Variants in PINLYP observed in about 807,000 individuals in gnomAD.
The protein encoded by PINLYP is phospholipase A2 inhibitor and LY6/PLAUR domain containing.
Under a neutral mutation model 15.8 loss-of-function variants are expected in PINLYP, and 12 were observed. That is an observed-to-expected ratio of 0.76 (90% CI 0.49 to 1.23). PINLYP has a LOEUF of 1.23. Among genes scored for constraint, PINLYP ranks in the 50% most tolerant of loss-of-function variants. The probability of loss-of-function intolerance (pLI) is 0.00; values close to 1 mark genes in which losing one functional copy is unlikely to be tolerated. For missense variants in PINLYP, 278 were observed against 264.2 expected, an observed-to-expected ratio of 1.05 and a Z score of -0.36; for synonymous variants, 93 against 97.7, an observed-to-expected ratio of 0.95 and a Z score of 0.28.
exon 1 of PINLYP, chr19:43,576,126 C>G (rs932084077): frequency 6.6e-6 from 1 of 152,106 alleles, no homozygotes; most frequent in African/African-American, 2.4e-5. Context: ...GCCATGTTGC[C>G]CAGACTGGTC....
chr19:43,581,039 C>T, intron 3 of PINLYP, 173 bp from the exon 4 acceptor site: 1 of 798,702 alleles, frequency 1.3e-6, no homozygotes, highest in Non-Finnish European at 1.9e-6. Flanking sequence ...CCATTGCACT[C>T]CAGCCTGGGC....
chr19:43,580,604 AG>A (rs1972918631), intron 3 of PINLYP: 20 of 656,992 alleles, frequency 3.0e-5, no homozygotes, highest in Admixed American at 2.1e-4. Flanking sequence ...CCGGAAGGAC[AG>A]GGAGAGAGGG....
At chr19:43,580,005 G>A (rs182147441) in intron 3 of PINLYP, among the ~76,000 whole-genome samples, 3 of 152,190 alleles carry the variant, frequency 2.0e-5, no homozygotes, top group East Asian at 3.9e-4. Flanking sequence ...AGAGACCAGT[G>A]GGGGACAGAG....
chr19:43,578,472 G>A (rs1600066069), intron 2 of PINLYP, 118 bp from the exon 3 acceptor site: 1 of 688,052 alleles, frequency 1.5e-6, no homozygotes, highest in South Asian at 1.8e-5. Context: ...TCCCGCCCAT[G>A]AAAAACCAGG....
At chr19:43,579,723 A>G (rs1972907380) in intron 3 of PINLYP, among the ~76,000 whole-genome samples, 2 of 147,990 alleles carry the variant, frequency 1.4e-5, no homozygotes, top group Non-Finnish European at 3.0e-5. Context: ...ACAAAAAGAG[A>G]TCCATCTCTA....
At position 43,576,992 on chromosome 19, in the gene PINLYP, C is replaced by G. The variant is rs1042921400; in HGVS notation, c.-78+73C>G. The stretch of plus-strand genomic sequence containing the variant: ...ATGGAAGCCCAGACTCCTGGGGTCT[C>G]CATGGAGGTGGGGGGCTGGGCACAA... On this transcript the variant is annotated intron_variant, in intron 1 of 5. Transcript: ENST00000599207. 75 of 948,202 alleles carry G rather than the reference C, an allele frequency of 7.9e-5. No homozygotes were observed. The African/African-American group carries it at 1.1e-3, about 15-fold the overall frequency. The allele number at this position is 948,202 out of a possible 1,614,324, so 58.7% of individuals were successfully genotyped here. A position where few individuals can be genotyped will look rare whatever the true frequency, so the allele number is the denominator to read the frequency against.
At position 43,581,827 on chromosome 19, in the gene PINLYP, G is replaced by C. The variant is rs758739629; in HGVS notation, c.482-41G>C. 5 of 1,535,890 alleles carry C rather than the reference G, an allele frequency of 3.3e-6. No homozygotes were observed. The African/African-American group carries it at 5.5e-5, about 17-fold the overall frequency. ...GTGTTCTGGGATTATGAGGAAGAAG[G>C]GGCTGAGGTCCCTGATTCCAGTCTG... is the stretch of plus-strand genomic sequence containing the variant. On this transcript the variant is annotated intron_variant, in intron 5 of 5. Transcript: ENST00000599207.
chr19:43,579,483 G>A (rs183647159), intron 3 of PINLYP, among the ~76,000 whole-genome samples: 754 of 151,598 alleles, frequency 5.0e-3, no homozygotes, highest in African/African-American at 0.017. Context: ...CTGACCTCAA[G>A]TGATTCTCCC....
exon 3 of PINLYP, chr19:43,578,636 C>T (rs1404889361): frequency 6.5e-7 from 1 of 1,536,016 alleles, no homozygotes. Flanking sequence ...GGAGCAGGTG[C>T]CATGGCCAAA....
At chr19:43,577,748 C>CA (rs547799444) in intron 2 of PINLYP, among the ~76,000 whole-genome samples, 3 of 147,256 alleles carry the variant, frequency 2.0e-5, no homozygotes, top group Admixed American at 1.4e-4. Context: ...ACTAAAAATA[C>CA]AAAAAAAGTT....
rs1029173350 is a variant in PINLYP, at chr19:43,581,319, T to G, written c.295T>G (p.Ser99Ala). 4.6e-6 allele frequency: 7 copies of G among 1,536,794 alleles called. No homozygotes were observed. The African/African-American group carries it at 9.6e-5, about 21-fold the overall frequency. Reference sequence around the variant, plus strand: ...CCCCAAGGACCACATGGTAACCAGCTCCTTCTGCTGCCAGAGCGACGGCTG... The same window carrying G: ...CCCCAAGGACCACATGGTAACCAGCGCCTTCTGCTGCCAGAGCGACGGCTG... Residue 99 changes from serine to alanine, a missense_variant, in exon 4 of 6, where the codon TCC becomes GCC. Transcript: ENST00000599207.
intron 4 of PINLYP, 87 bp from the exon 5 acceptor site, chr19:43,581,476 C>T: frequency 6.6e-7 from 1 of 1,508,000 alleles, no homozygotes; most frequent in South Asian, 1.3e-5. Context: ...TGTCTATTAG[C>T]AACCCTGGTG....
intron 3 of PINLYP, among the ~76,000 whole-genome samples, chr19:43,580,195 G>C (rs937949448): frequency 1.3e-4 from 20 of 152,066 alleles, no homozygotes; most frequent in Admixed American, 5.2e-4. Flanking sequence ...GACCTGAAAG[G>C]CTTGAAGAGA....
chr19:43,581,572 C>T lies in PINLYP; in HGVS notation c.350C>T (p.Thr117Ile), dbSNP rs1972933154. The T allele has an allele frequency of 1.3e-6, 2 of 1,535,364 alleles. No individual in the cohort carries two copies. Among genetic ancestry groups the T allele is most frequent in the East Asian group, 2.4e-5 (1 of 40,930 alleles). ...TCATCCTCATCCTCAGTTCCCTTGA[C>T]CAATCTTACTGAGAATGGCCTGATG... The change falls in exon 5 of 6, where the codon ACC (threonine) becomes ATC (isoleucine). Residue 117 changes from threonine (T) to isoleucine (I), a missense_variant. Thr to Ile is a moderately conservative substitution (Grantham distance 89). Coordinates refer to ENST00000599207, the Ensembl canonical transcript of PINLYP.
At chr19:43,577,082 C>G (rs904532300) in intron 1 of PINLYP, 33 bp from the exon 2 acceptor site, 8 of 1,531,008 alleles carry the variant, frequency 5.2e-6, no homozygotes, top group Non-Finnish European at 6.1e-6. Context: ...GAGGACTGCC[C>G]TGGGTTCTGA....
chr19:43,578,560 C>A, intron 2 of PINLYP, 30 bp from the exon 3 acceptor site: 1 of 1,504,790 alleles, frequency 6.6e-7, no homozygotes, highest in Non-Finnish European at 8.9e-7. Flanking sequence ...CCACCCATGA[C>A]TACAGCCTCG....
chr19:43,580,472 G>T, intron 3 of PINLYP: 1 of 952,650 alleles, frequency 1.0e-6, no homozygotes, highest in Non-Finnish European at 1.2e-6. Context: ...CTGTTGCTGG[G>T]ACCGGGGTTC....
At chr19:43,578,166 C>T (rs1000132851) in intron 2 of PINLYP, among the ~76,000 whole-genome samples, 1 of 152,090 alleles carries the variant, frequency 6.6e-6, no homozygotes. Context: ...AGCCTCAGGG[C>T]CCCCTGCCTG....
At chr19:43,577,331 GAGATATAGAGAGAGAA>G (rs1972878632) in intron 2 of PINLYP, 70 bp downstream of exon 2, 1 of 1,430,180 alleles carries the variant, frequency 7.0e-7, no homozygotes, top group Non-Finnish European at 9.3e-7. Flanking sequence ...GAGAGAGAGA[GAGATATAGAGAGAGAA>G]AGAGCCTTCA....
Sources: gnomAD v4.1 joint callset for allele counts (sites outside exome capture counted in the v4.1 genomes callset) on GRCh38, gnomAD v4.1.1 for gene constraint, MANE v1.5 for transcripts, NCBI Gene and HGNC (gene_info 2026-07-23, HGNC 2026-07-21) for gene names.